ZNF711: variants seen among roughly 807,000 people sequenced by gnomAD.
ZNF711 encodes the protein ZFX family zinc finger ZNF711, also known as zinc finger protein 711.
Under a neutral mutation model 43.5 loss-of-function variants are expected in ZNF711, and 3 were observed. The observed-to-expected ratio is 0.07, with a 90% CI of 0.03 to 0.18. The LOEUF is 0.18. Among genes scored for constraint, ZNF711 ranks in the 10% least tolerant of loss-of-function variants. The pLI, the probability that ZNF711 is intolerant of heterozygous loss-of-function variation, is 1.00. For missense variants in ZNF711, 412 were observed against 604.0 expected (o/e 0.68, Z 3.33); for synonymous variants, 209 against 207.7 (o/e 1.01, Z -0.06).
At chrX:85,245,374 A>G (rs1928950922) in intron 1 of ZNF711, among the ~76,000 whole-genome samples, 1 of 112,586 alleles carries the variant, frequency 8.9e-6, no homozygotes, top group Admixed American at 9.3e-5. Context: ...CAAGAAGCCT[A>G]GCTATCTCTA....
chrX:85,254,876 C>T (rs866596948), intron 4 of ZNF711, among the ~76,000 whole-genome samples: 16 of 109,979 alleles, frequency 1.5e-4, no homozygotes, highest in Admixed American at 9.7e-4. Context: ...TACTATTTTA[C>T]GTTTGCACCA....
At chrX:85,257,114 T>C (rs1930219022) in intron 5 of ZNF711, among the ~76,000 whole-genome samples, 1 of 112,203 alleles carries the variant, frequency 8.9e-6, no homozygotes, top group Non-Finnish European at 1.9e-5. Context: ...TTAAAAAAGT[T>C]TCTGGAATAT....
At chrX:85,253,260 T>C (rs1379657111) in intron 4 of ZNF711, among the ~76,000 whole-genome samples, 1 of 111,398 alleles carries the variant, frequency 9.0e-6, no homozygotes, top group African/African-American at 3.3e-5. Flanking sequence ...GAGTACAGAG[T>C]TTTTCCCCCT....
At chrX:85,250,326 T>C (rs1241971955) in intron 4 of ZNF711, among the ~76,000 whole-genome samples, 1 of 111,740 alleles carries the variant, frequency 8.9e-6, no homozygotes, top group Non-Finnish European at 1.9e-5. Flanking sequence ...TACACAATTA[T>C]AGCTGCATAA....
rs760346140 is a variant in ZNF711, at chrX:85,271,344, A to G, written c.1940A>G (p.Asn647Ser). 3.1e-5 allele frequency: 38 copies of G among 1,208,696 alleles called. No individual in the cohort carries two copies. Among genetic ancestry groups the G allele is most frequent in the Non-Finnish European group, 3.8e-5 (34 of 894,613 alleles). ...CCTCATTGTGACCATAAGAGCACCA[A>G]TTCAAGTGACCTTAAGCGGCACATC... is the stretch of plus-strand genomic sequence containing the variant. Reference protein sequence around the residue: ...QCPHCDHKSTNSSDLKRHIIS... With the variant: ...QCPHCDHKSTSSSDLKRHIIS... The change falls in exon 11 of 11, where the codon AAT becomes AGT. Residue 647 changes from asparagine (N) to serine (S), a missense_variant. By Grantham distance (46) the Asn-to-Ser change is conservative. Around this residue, in one of 4 missense-constraint regions of ZNF711, gnomAD observed 375 missense variants for 514.2 expected, o/e 0.73. Coordinates refer to ENST00000674551, the MANE Select transcript of ZNF711 (RefSeq NM_001330574.2).
intron 5 of ZNF711, among the ~76,000 whole-genome samples, chrX:85,258,181 A>G (rs1930342134): frequency 8.9e-6 from 1 of 112,311 alleles, no homozygotes. Context: ...GTGGTACACT[A>G]TGGAATACTA....
chrX:85,261,588 TA>T (rs1930654433), intron 5 of ZNF711, among the ~76,000 whole-genome samples: 1 of 111,137 alleles, frequency 9.0e-6, no homozygotes, highest in African/African-American at 3.3e-5. Flanking sequence ...ACAGGTAAAA[TA>T]AAAAGCCTAC....
chrX:85,270,647 C>G lies in ZNF711; in HGVS notation c.1247-4C>G, dbSNP rs979874103. On this transcript the variant is annotated splice_region_variant and splice_polypyrimidine_tract_variant and intron_variant, in intron 10 of 10. Coordinates refer to ENST00000674551, the MANE Select transcript of ZNF711 (RefSeq NM_001330574.2). ...TGTCACAACTTTCTCTTTTCTTTATCTAGCTGTTATAATAGGTCCTGATGG... is the reference window on the plus strand; with the variant it reads ...TGTCACAACTTTCTCTTTTCTTTATGTAGCTGTTATAATAGGTCCTGATGG... 1 of 1,195,904 alleles carries G rather than the reference C, an allele frequency of 8.4e-7. No individual in the cohort carries two copies. Among genetic ancestry groups the G allele is most frequent in the Non-Finnish European group, 1.1e-6 (1 of 883,316 alleles).
intron 4 of ZNF711, among the ~76,000 whole-genome samples, chrX:85,254,373 G>A (rs1929856574): frequency 1.2e-5 from 1 of 84,316 alleles, no homozygotes; most frequent in Non-Finnish European, 2.2e-5. Context: ...GGGAGGCCGA[G>A]GCGGGTGGAT....
At chrX:85,265,030 T>C in intron 6 of ZNF711, 88 bp from the exon 7 acceptor site, 1 of 846,886 alleles carries the variant, frequency 1.2e-6, no homozygotes, top group Non-Finnish European at 1.7e-6. Context: ...ATTTTTTTTC[T>C]AAGAAATATT....
chrX:85,248,551 T>G (rs1392590529), intron 4 of ZNF711, among the ~76,000 whole-genome samples: 1 of 109,644 alleles, frequency 9.1e-6, no homozygotes, highest in East Asian at 2.8e-4. Flanking sequence ...AGTAGTCATT[T>G]TGATGAGGAT....
Position 85,270,888 on chromosome X carries a change from C to G in ZNF711, c.1484C>G (p.Thr495Arg), listed in dbSNP as rs1346178243. ...INKVDKTHEF[T>R]EYTRRYREAS... is the part of the protein sequence containing the mutation. Reference sequence around the variant, plus strand: ...AAAGTCGACAAAACCCATGAATTTACAGAATACACACGAAGATACAGAGAG... The same window carrying G: ...AAAGTCGACAAAACCCATGAATTTAGAGAATACACACGAAGATACAGAGAG... The change falls in exon 11 of 11, where the codon ACA (threonine) becomes AGA (arginine). Residue 495 changes from threonine (T) to arginine (R), a missense_variant. This residue lies in a region of ZNF711 where 375 missense variants were observed against 514.2 expected (regional missense o/e 0.73). Transcript: ENST00000674551. 1 of 1,209,903 alleles carries G rather than the reference C, an allele frequency of 8.3e-7. No homozygotes were observed. The highest frequency in any genetic ancestry group is 1.1e-6 in the Non-Finnish European group (1 of 894,504).
At chrX:85,248,173 T>TA (rs1441888522) in intron 4 of ZNF711, among the ~76,000 whole-genome samples, 28 of 99,220 alleles carry the variant, frequency 2.8e-4, no homozygotes, top group South Asian at 1.4e-3. Context: ...TTTTTTTTTT[T>TA]AAAAAAAAAA....
chrX:85,269,818 TCTTTA>T (rs1409245740), intron 9 of ZNF711, among the ~76,000 whole-genome samples, 180 bp from the exon 10 acceptor site: 1 of 112,061 alleles, frequency 8.9e-6, no homozygotes, highest in Non-Finnish European at 1.9e-5. Context: ...CAAATACATG[TCTTTA>T]CTTGTGAGTG....
intron 5 of ZNF711, among the ~76,000 whole-genome samples, chrX:85,263,548 C>G (rs1252059694): frequency 9.2e-6 from 1 of 109,083 alleles, no homozygotes; most frequent in East Asian, 2.9e-4. Context: ...TTTATAGTCA[C>G]TTAGGTGTTC....
chrX:85,252,506 A>G (rs937662803), intron 4 of ZNF711, among the ~76,000 whole-genome samples: 1 of 112,015 alleles, frequency 8.9e-6, no homozygotes, highest in African/African-American at 3.2e-5. Context: ...TGGTTTGTGA[A>G]AAGATTTTTG....
chrX:85,259,812 G>T (rs1291891103), intron 5 of ZNF711, among the ~76,000 whole-genome samples: 1 of 111,232 alleles, frequency 9.0e-6, no homozygotes, highest in African/African-American at 3.3e-5. Context: ...GGTTTTCTAA[G>T]TATAGAATCA....
intron 2 of ZNF711, among the ~76,000 whole-genome samples, chrX:85,246,277 G>T (rs189047145): frequency 2.3e-3 from 253 of 112,042 alleles, no homozygotes; most frequent in African/African-American, 7.2e-3. Context: ...TAGCAAAGCA[G>T]AAAACAATGG....
At chrX:85,248,903 G>GTA (rs766984013) in intron 4 of ZNF711, among the ~76,000 whole-genome samples, 1 of 111,875 alleles carries the variant, frequency 8.9e-6, no homozygotes, top group Admixed American at 9.5e-5. Context: ...CAGTAAAGCC[G>GTA]TATTCTAGTC....
Sources: gnomAD v4.1 joint callset for allele counts (sites outside exome capture counted in the v4.1 genomes callset) on GRCh38, gnomAD v4.1.1 for gene constraint, gnomAD v4.1.1 regional missense constraint, MANE v1.5 for transcripts, NCBI Gene and HGNC (gene_info 2026-07-23, HGNC 2026-07-21) for gene names.